The following ZNF540 variants were observed in gnomAD, a reference collection of about 807,000 sequenced individuals.
ZNF540 encodes CTD-3064H18.6.
Under a neutral mutation model 11.8 loss-of-function variants are expected in ZNF540, and 3 were observed. The ratio of observed to expected loss-of-function variants is 0.25; its 90% CI spans 0.12 to 0.65. The LOEUF is 0.65. Among genes scored for constraint, ZNF540 ranks in the 30% least tolerant of loss-of-function variants. ZNF540 has a pLI of 0.83. For synonymous variants in ZNF540, 247 were observed against 259.0 expected (o/e 0.95, Z 0.45); for missense variants, 709 against 793.1 (o/e 0.89, Z 1.27).
rs2044149172 is a variant in ZNF540 at position 37,613,429 on chromosome 19, A to C, written c.*166A>C. On this transcript the variant is annotated 3_prime_UTR_variant, in exon 5 of 5. Coordinates refer to ENST00000316433, the MANE Select transcript of ZNF540 (RefSeq NM_001172225.3). Reference sequence around the variant, plus strand: ...TTAAATTTAGGAAAATTCACACTAGAAAATAAAGCTGTTAATGTAACAGTT... The same window carrying C: ...TTAAATTTAGGAAAATTCACACTAGCAAATAAAGCTGTTAATGTAACAGTT... 1 of 497,374 alleles carries C rather than the reference A, an allele frequency of 2.0e-6. No homozygotes were observed. Among genetic ancestry groups the C allele is most frequent in the Admixed American group, 3.7e-5 (1 of 26,940 alleles). 30.8% of individuals were successfully genotyped at this position (497,374 alleles called of 1,614,324 possible).
rs2044153110 is a variant in ZNF540 at position 37,614,054 on chromosome 19, C to T, written c.*791C>T. 3 of 394,022 alleles carry T rather than the reference C, an allele frequency of 7.6e-6. No individual in the cohort carries two copies. The East Asian group carries it at 1.1e-4, about 14-fold the overall frequency. 24.4% of individuals were successfully genotyped at this position (394,022 alleles called of 1,614,324 possible). A position where few individuals can be genotyped will look rare whatever the true frequency, so the allele number is the denominator to read the frequency against. ...TGCTGGCACCTTGACCTTGGACTTT[C>T]AGCCTCCAAAACTGTGAGAAATAAA... On this transcript the variant is annotated 3_prime_UTR_variant, in exon 5 of 5. Coordinates refer to ENST00000316433, the MANE Select transcript of ZNF540 (RefSeq NM_001172225.3).
At position 37,612,665 on chromosome 19, in the gene ZNF540, C is replaced by G. The variant is rs772176695; in HGVS notation, c.1385C>G (p.Thr462Ser). 6.2e-7 allele frequency: 1 copy of G among 1,614,114 alleles called. No homozygotes were observed. Among genetic ancestry groups the G allele is most frequent in the Non-Finnish European group, 8.5e-7 (1 of 1,179,992 alleles). Residue 462 changes from threonine (T) to serine (S), a missense_variant, in exon 5 of 5, where the codon ACT (threonine) becomes AGT (serine). Transcript: ENST00000316433. ...SVLTEHQRLH[T>S]GVKPYECKEC... ...CTTACTGAACATCAGAGACTTCATA[C>G]TGGTGTGAAGCCCTACGAATGTAAG...
At position 37,589,784 on chromosome 19, in the gene ZNF540, G is replaced by A. The variant is rs764403953; in HGVS notation, c.-72-8592G>A. Among the ~76,000 whole-genome samples the A allele has an allele frequency of 6.5e-5, 9 of 139,222 alleles. No homozygotes were observed. The Admixed American group carries it at 7.0e-4, about 11-fold the overall frequency. 91.3% of individuals were successfully genotyped at this position (139,222 alleles called of 152,430 possible). ...GGGAGGCTGAGGCAAAGAATTGCTT[G>A]AACCCGGGAGTTGGAGGTTACAGTG... On this transcript the variant is annotated intron_variant, in intron 1 of 4. Transcript: ENST00000592533.
chr19:37,564,701 T>C, intron 1 of ZNF540: 1 of 1,613,686 alleles, frequency 6.2e-7, no homozygotes, highest in Non-Finnish European at 8.5e-7. Flanking sequence ...GATCCTTTGA[T>C]GCAGAGTAAG....
upstream of ZNF540, among the ~76,000 whole-genome samples, chr19:37,593,289 C>A (rs1600548292): frequency 6.6e-6 from 1 of 152,232 alleles, no homozygotes; most frequent in South Asian, 2.1e-4. Context: ...TTAATTACAG[C>A]TAGGTGTTGA....
chr19:37,598,335 G>C lies in ZNF540; in HGVS notation c.-72-41G>C. ...ATATCATATTGTTACCTCTGAGGCA[G>C]ACCTAGTCTCACTGTCTCATTTTTT... On this transcript the variant is annotated intron_variant, in intron 1 of 4. Coordinates refer to ENST00000316433, the MANE Select transcript of ZNF540 (RefSeq NM_001172225.3). 5 of 1,024,832 alleles carry C rather than the reference G, an allele frequency of 4.9e-6. No homozygotes were observed. In the South Asian group the frequency reaches 6.9e-5, roughly 14 times the overall value. 63.5% of individuals were successfully genotyped at this position (1,024,832 alleles called of 1,614,324 possible). A position where few individuals can be genotyped will look rare whatever the true frequency, so the allele number is the denominator to read the frequency against.
chr19:37,567,189 T>C (rs2042891482), intron 1 of ZNF540, among the ~76,000 whole-genome samples: 1 of 152,260 alleles, frequency 6.6e-6, no homozygotes, highest in African/African-American at 2.4e-5. Flanking sequence ...ATATACCATT[T>C]CTAAAGTTTG....
chr19:37,573,838 A>T (rs2043151138), intron 1 of ZNF540, among the ~76,000 whole-genome samples: 1 of 151,932 alleles, frequency 6.6e-6, no homozygotes, highest in South Asian at 2.1e-4. Flanking sequence ...GTTTCAAAAA[A>T]AAAAAAAGAA....
At chr19:37,610,739 T>G (rs1256552308) in intron 4 of ZNF540, among the ~76,000 whole-genome samples, 1 of 152,194 alleles carries the variant, frequency 6.6e-6, no homozygotes, top group Non-Finnish European at 1.5e-5. Context: ...AAAGACCATA[T>G]TATATTATAT....
intron 1 of ZNF540, among the ~76,000 whole-genome samples, chr19:37,581,482 T>G (rs74420919): frequency 6.6e-6 from 1 of 150,584 alleles, no homozygotes; most frequent in Non-Finnish European, 1.5e-5. Context: ...TTTTTTTTTT[T>G]GGAGACATGG....
In ZNF540 at chr19:37,597,255, G is replaced by A. The variant is rs113983313; in HGVS notation, c.-72-1121G>A. ...AAGGGAGGGTGAATGATGTCCTGCA[G>A]GGACCCTGGGGACTCTTCTGATTGA... On this transcript the variant is annotated intron_variant, in intron 1 of 4. Transcript: ENST00000316433. Among the ~76,000 whole-genome samples the A allele has an allele frequency of 4.9e-3, 743 of 152,086 alleles. 3 individuals are homozygous for A. Among genetic ancestry groups the A allele is most frequent in the Non-Finnish European group, 7.7e-3 (526 of 67,986 alleles).
chr19:37,566,117 T>C, intron 1 of ZNF540: 1 of 1,614,062 alleles, frequency 6.2e-7, no homozygotes, highest in South Asian at 1.1e-5. Flanking sequence ...GTAAAGCCCT[T>C]CCTGACTTGC....
intron 1 of ZNF540, chr19:37,564,670 A>C: frequency 6.2e-7 from 1 of 1,613,192 alleles, no homozygotes; most frequent in South Asian, 1.1e-5. Context: ...GGACACATGT[A>C]TAGGGTTTCT....
At chr19:37,598,619 C>T (rs1018391914) in intron 2 of ZNF540, among the ~76,000 whole-genome samples, 163 bp downstream of exon 2, 1 of 152,172 alleles carries the variant, frequency 6.6e-6, no homozygotes, top group African/African-American at 2.4e-5. Context: ...TATCCACATG[C>T]ACATTGACCA....
At chr19:37,589,036 C>T (rs183997220) in intron 1 of ZNF540, among the ~76,000 whole-genome samples, 193 of 152,000 alleles carry the variant, frequency 1.3e-3, no homozygotes, top group African/African-American at 4.5e-3. Flanking sequence ...CCCATCTCTA[C>T]TAAAAATACA....
chr19:37,591,872 C>T (rs1025760588), upstream of ZNF540, among the ~76,000 whole-genome samples: 1 of 151,774 alleles, frequency 6.6e-6, no homozygotes, highest in African/African-American at 2.4e-5. Context: ...TAACCAAATA[C>T]TTGATGAAAA....
At chr19:37,590,737 G>A (rs901773236), upstream of ZNF540, among the ~76,000 whole-genome samples, 1 of 152,038 alleles carries the variant, frequency 6.6e-6, no homozygotes, top group Admixed American at 6.5e-5. Flanking sequence ...CAACTTCTCT[G>A]TAAGTGTAAT....
chr19:37,608,768 G>C (rs111838678), intron 4 of ZNF540, among the ~76,000 whole-genome samples: 3 of 152,198 alleles, frequency 2.0e-5, no homozygotes, highest in African/African-American at 7.2e-5. Context: ...GGTGTGACAG[G>C]ATAGCTTAGA....
Position 37,611,773 on chromosome 19 carries a change from C to G in ZNF540, c.493C>G (p.His165Asp), listed in dbSNP as rs1241475040. Residue 165 changes from histidine (H) to aspartate (D), a missense_variant, in exon 5 of 5, where the codon CAC becomes GAC. Coordinates refer to ENST00000316433, the MANE Select transcript of ZNF540 (RefSeq NM_001172225.3). ...RPSFTLNQRI[H>D]NSEKSCDSHL... is the part of the protein sequence containing the mutation. ...CTCTTTTACTCTGAATCAGAGAATT[C>G]ACAATAGTGAGAAAAGCTGTGACTC... The G allele has an allele frequency of 4.3e-6, 7 of 1,613,940 alleles. No homozygotes were observed. The highest frequency in any genetic ancestry group is 5.1e-6 in the Non-Finnish European group (6 of 1,179,946).
Sources: allele counts gnomAD v4.1 joint callset (sites outside exome capture counted in the v4.1 genomes callset), GRCh38; gene constraint gnomAD v4.1.1; transcripts MANE v1.5; gene names NCBI Gene and HGNC (gene_info 2026-07-23, HGNC 2026-07-21).